The following CNTN4 variants were observed in gnomAD, a reference collection of about 807,000 sequenced individuals.
The protein encoded by CNTN4 is contactin 4.
A neutral mutation model predicts 122.5 loss-of-function variants in CNTN4; 77 were observed. The observed-to-expected ratio is 0.63, with a 90% CI of 0.52 to 0.76. CNTN4 has a LOEUF of 0.76. CNTN4 is among the 30% of genes least tolerant of loss of function. CNTN4 has a pLI of 0.00. For missense variants in CNTN4, 1,256 were observed against 1,259.1 expected (o/e 1.00, Z 0.04); for synonymous variants, 512 against 447.0 (o/e 1.15, Z -1.83).
chr3:2,195,984 C>T (rs2037814261), intron 2 of CNTN4, among the ~76,000 whole-genome samples: 1 of 151,220 alleles, frequency 6.6e-6, no homozygotes, highest in African/African-American at 2.4e-5. Context: ...ACATGTTTGT[C>T]TGATCCATTT....
intron 6 of CNTN4, among the ~76,000 whole-genome samples, chr3:2,816,890 GA>G (rs1390293125): frequency 8.7e-5 from 13 of 149,986 alleles, no homozygotes; most frequent in Admixed American, 4.0e-4. Context: ...ATAACTGAAG[GA>G]AAAAAATTTA....
At chr3:2,675,627 G>A (rs540539745) in intron 4 of CNTN4, among the ~76,000 whole-genome samples, 1 of 152,294 alleles carries the variant, frequency 6.6e-6, no homozygotes, top group South Asian at 2.1e-4. Flanking sequence ...TTAGAAAAAG[G>A]TCTGGCACAT....
At chr3:2,435,931 T>C (rs903162533) in intron 3 of CNTN4, among the ~76,000 whole-genome samples, 2 of 152,190 alleles carry the variant, frequency 1.3e-5, no homozygotes, top group Non-Finnish European at 2.9e-5. Flanking sequence ...TGTGCCTTTA[T>C]TGGCAAAGTA....
chr3:2,744,937 G>C (rs757249748), intron 5 of CNTN4, among the ~76,000 whole-genome samples: 13 of 152,178 alleles, frequency 8.5e-5, no homozygotes, highest in Admixed American at 7.9e-4. Context: ...ATTGATGTTT[G>C]TGTGCCGGTG....
At chr3:2,924,302 C>T (rs1194905674) in intron 12 of CNTN4, among the ~76,000 whole-genome samples, 3 of 151,574 alleles carry the variant, frequency 2.0e-5, no homozygotes. Context: ...AGAAATTGGC[C>T]CCCATTACCC....
At chr3:2,387,287 T>C (rs182968954) in intron 3 of CNTN4, among the ~76,000 whole-genome samples, 2 of 152,304 alleles carry the variant, frequency 1.3e-5, no homozygotes, top group East Asian at 3.9e-4. Flanking sequence ...ATTGTCTTTG[T>C]GAAGCAGTTG....
chr3:2,442,365 C>T (rs1366561111), intron 3 of CNTN4, among the ~76,000 whole-genome samples: 38 of 152,110 alleles, frequency 2.5e-4, no homozygotes, highest in Admixed American at 2.5e-3. Context: ...GCAGATATAA[C>T]TCAAGAGATA....
At chr3:2,906,261 CTA>C (rs1376565066) in intron 12 of CNTN4, among the ~76,000 whole-genome samples, 1 of 152,104 alleles carries the variant, frequency 6.6e-6, no homozygotes, top group Non-Finnish European at 1.5e-5. Context: ...TTCAAGCACT[CTA>C]TTGTATAACA....
At chr3:3,017,899 G>T (rs1322796209) in intron 14 of CNTN4, among the ~76,000 whole-genome samples, 3 of 152,134 alleles carry the variant, frequency 2.0e-5, no homozygotes, top group African/African-American at 4.8e-5. Flanking sequence ...ACCTGAAAAG[G>T]ACTTTTAGCT....
intron 14 of CNTN4, 123 bp from the exon 15 acceptor site, chr3:3,025,979 G>A: frequency 1.1e-6 from 1 of 941,292 alleles, no homozygotes; most frequent in Non-Finnish European, 1.7e-6. Flanking sequence ...GCTGGTCACA[G>A]CCTCAGAAAA....
At chr3:2,927,368 C>T (rs12490661) in intron 13 of CNTN4, 65,350 of 453,278 alleles carry the variant, frequency 0.14, 5,141 homozygotes, top group Non-Finnish European at 0.18. Context: ...ATGCTCTGGA[C>T]GTTGCCATTG....
chr3:2,352,455 A>G (rs7653551), intron 3 of CNTN4, among the ~76,000 whole-genome samples: 145,158 of 152,250 alleles, frequency 0.95, 69,208 homozygotes, highest in East Asian at 1. Flanking sequence ...AGTTCCGGGT[A>G]GGTGCAGGCT....
chr3:2,798,789 G>A (rs929716621), intron 6 of CNTN4, among the ~76,000 whole-genome samples: 2 of 152,124 alleles, frequency 1.3e-5, no homozygotes, highest in African/African-American at 2.4e-5. Flanking sequence ...GGGATTACAG[G>A]TGTTAGCCAC....
rs539593427 is a variant in CNTN4 at position 2,308,432 on chromosome 3, C to T, written c.-144-30746C>T. 3.6e-4 allele frequency among the ~76,000 whole-genome samples: 55 copies of T among 151,928 alleles called. 1 individual carries two copies. The highest frequency in any genetic ancestry group is 1.2e-3 in the African/African-American group (50 of 41,460). On this transcript the variant is annotated intron_variant, in intron 2 of 24. Transcript: ENST00000418658. The stretch of plus-strand genomic sequence containing the variant: ...TTTACTCCAGTCTTTATTATTTTCT[C>T]CCTTCTGTTGCTCTTCTTTTCCAGG...
intron 3 of CNTN4, among the ~76,000 whole-genome samples, chr3:2,369,949 T>C (rs905741165): frequency 3.9e-5 from 6 of 152,036 alleles, no homozygotes; most frequent in Non-Finnish European, 7.4e-5. Flanking sequence ...TGATACACAA[T>C]TGTCCATATT....
chr3:2,282,081 A>G (rs774767797), intron 2 of CNTN4, among the ~76,000 whole-genome samples: 5 of 152,058 alleles, frequency 3.3e-5, no homozygotes, highest in South Asian at 2.1e-4. Context: ...GTTTATTACT[A>G]TGTGGAAGCT....
intron 2 of CNTN4, among the ~76,000 whole-genome samples, chr3:2,178,797 A>G (rs958018221): frequency 1.3e-5 from 2 of 152,008 alleles, no homozygotes; most frequent in Non-Finnish European, 2.9e-5. Context: ...TGCTACTAAG[A>G]TGCCTATAAA....
intron 3 of CNTN4, among the ~76,000 whole-genome samples, chr3:2,340,710 T>TATATATATATATATATATAG: frequency 1.6e-4 from 3 of 18,306 alleles, no homozygotes; most frequent in Non-Finnish European, 3.2e-4. Context: ...TATATATATA[T>TATATATATATATATATATAG]AGAGAGAGAG....
chr3:2,182,830 G>A (rs1392359344), intron 2 of CNTN4, among the ~76,000 whole-genome samples: 8 of 144,418 alleles, frequency 5.5e-5, no homozygotes, highest in African/African-American at 2.0e-4. Flanking sequence ...CTCAGCACAG[G>A]TTTTTTTTTT....
Sources: gnomAD v4.1 joint callset for allele counts (sites outside exome capture counted in the v4.1 genomes callset) on GRCh38, gnomAD v4.1.1 for gene constraint, MANE v1.5 for transcripts, NCBI Gene and HGNC (gene_info 2026-07-23, HGNC 2026-07-21) for gene names.